The following AUH variants were observed in gnomAD, a reference collection of about 807,000 sequenced individuals.
The protein encoded by AUH is methylglutaconyl-CoA hydratase, mitochondrial.
Under a neutral mutation model 42.3 loss-of-function variants are expected in AUH, and 29 were observed. The observed-to-expected ratio is 0.69, with a 90% confidence interval of 0.51 to 0.93. The LOEUF (loss-of-function observed/expected upper bound fraction) is 0.93, where lower values mean the gene tolerates loss of function less well. Among genes scored for constraint, AUH ranks in the 40% least tolerant of loss-of-function variants. AUH has a pLI of 0.00. For synonymous variants in AUH, 174 were observed against 166.4 expected (o/e 1.05, Z -0.35); for missense variants, 452 against 438.1 (o/e 1.03, Z -0.28).
At chr9:91,230,346 C>T (rs966557524) in intron 6 of AUH, among the ~76,000 whole-genome samples, 6 of 152,122 alleles carry the variant, frequency 3.9e-5, no homozygotes, top group African/African-American at 9.7e-5. Flanking sequence ...TTGATCGCAG[C>T]GGCTCCTGAG....
At chr9:91,329,575 A>AT (rs946142997) in intron 3 of AUH, among the ~76,000 whole-genome samples, 10 of 152,022 alleles carry the variant, frequency 6.6e-5, no homozygotes, top group Non-Finnish European at 8.8e-5. Context: ...AATCTTGCTC[A>AT]TTTTTTTAAA....
At chr9:91,215,958 C>T (rs549206011) in intron 9 of AUH, 101 bp downstream of exon 9, 37 of 1,266,494 alleles carry the variant, frequency 2.9e-5, no homozygotes, top group South Asian at 2.1e-4. Context: ...TTGGAATGGG[C>T]GCAAGGGTAA....
rs185539673 is a variant in AUH at position 91,256,247 on chromosome 9, G to C, written c.656-35255C>G. Among the ~76,000 whole-genome samples, 13 of 152,236 alleles carry C rather than the reference G, an allele frequency of 8.5e-5. No individual in the cohort carries two copies. In the East Asian group the frequency reaches 2.5e-3, roughly 29 times the overall value. Reference sequence around the variant, plus strand: ...TGAAATCTGTCCTAAAATAACATTTGTTAATAAAACCATTAACAAGATTAT... The same window carrying C: ...TGAAATCTGTCCTAAAATAACATTTCTTAATAAAACCATTAACAAGATTAT... On this transcript the variant is annotated intron_variant, in intron 6 of 9. Coordinates refer to ENST00000375731, the MANE Select transcript of AUH (RefSeq NM_001698.3).
intron 4 of AUH, among the ~76,000 whole-genome samples, chr9:91,320,860 G>T (rs1829516468): frequency 6.6e-6 from 1 of 152,150 alleles, no homozygotes; most frequent in South Asian, 2.1e-4. Context: ...TAATTATGTT[G>T]TTCAAATCAC....
At chr9:91,233,482 A>C (rs1828005294) in intron 6 of AUH, among the ~76,000 whole-genome samples, 1 of 152,152 alleles carries the variant, frequency 6.6e-6, no homozygotes, top group Admixed American at 6.5e-5. Context: ...GCATCTTCTG[A>C]GAAACAGTGG....
At chr9:91,220,271 C>T (rs1587619697) in intron 7 of AUH, among the ~76,000 whole-genome samples, 1 of 152,318 alleles carries the variant, frequency 6.6e-6, no homozygotes, top group East Asian at 1.9e-4. Flanking sequence ...AAAACAACGC[C>T]TACACCACCA....
At chr9:91,299,954 T>TA (rs1827654985) in intron 4 of AUH, among the ~76,000 whole-genome samples, 2 of 151,996 alleles carry the variant, frequency 1.3e-5, no homozygotes, top group Non-Finnish European at 2.9e-5. Context: ...AGGAGTAGAG[T>TA]AAACCCATGC....
intron 6 of AUH, among the ~76,000 whole-genome samples, chr9:91,273,966 A>G (rs937564015): frequency 6.6e-6 from 1 of 152,230 alleles, no homozygotes; most frequent in Non-Finnish European, 1.5e-5. Context: ...AATTTAAGAA[A>G]GACAATCTGT....
At chr9:91,321,590 T>C (rs6479333) in intron 4 of AUH, among the ~76,000 whole-genome samples, 16,103 of 152,168 alleles carry the variant, frequency 0.11, 979 homozygotes, top group Middle Eastern at 0.19. Context: ...GTGAGATTTC[T>C]TGAATAAATA....
At chr9:91,273,666 T>C (rs748358374) in intron 6 of AUH, among the ~76,000 whole-genome samples, 1 of 152,254 alleles carries the variant, frequency 6.6e-6, no homozygotes, top group Non-Finnish European at 1.5e-5. Flanking sequence ...CAGATGTTTT[T>C]AAGGCATCAA....
intron 6 of AUH, among the ~76,000 whole-genome samples, chr9:91,288,553 AGT>A (rs975025229): frequency 1.4e-4 from 21 of 152,130 alleles, no homozygotes; most frequent in African/African-American, 4.8e-4. Flanking sequence ...TCAAATCAAT[AGT>A]GTTTCACTTT....
chr9:91,357,414 T>C (rs1460423125), intron 1 of AUH: 2 of 815,724 alleles, frequency 2.5e-6, no homozygotes, highest in Non-Finnish European at 3.0e-6. Context: ...CAAGCTTCAG[T>C]TTCCTCAGGA....
chr9:91,346,015 A>C (rs2132013148), intron 3 of AUH, among the ~76,000 whole-genome samples: 1 of 152,222 alleles, frequency 6.6e-6, no homozygotes, highest in Non-Finnish European at 1.5e-5. Context: ...GTGTATAAAA[A>C]AAATACTTCG....
chr9:91,219,495 A>G (rs1454383092), intron 7 of AUH, among the ~76,000 whole-genome samples: 32 of 152,230 alleles, frequency 2.1e-4, no homozygotes, highest in Admixed American at 2.0e-3. Flanking sequence ...GGAAGAATAA[A>G]TAAGTTTGTA....
In AUH at chr9:91,308,467, TTGA is replaced by T. The variant is rs554514461; in HGVS notation, c.506-10394_506-10392del. 2.0e-5 allele frequency among the ~76,000 whole-genome samples: 3 copies of T among 152,332 alleles called. No individual in the cohort carries two copies. The East Asian group carries it at 5.8e-4, about 29-fold the overall frequency. On this transcript the variant is annotated intron_variant, in intron 4 of 9. Coordinates refer to ENST00000375731, the MANE Select transcript of AUH (RefSeq NM_001698.3). ...TGTTTGTTTTCATTCTCCACCATTC[TTGA>T]TGAGAGGATAAAGAAAACTAAAACT... is the stretch of plus-strand genomic sequence containing the variant.
At chr9:91,267,443 C>T (rs1036598703) in intron 6 of AUH, among the ~76,000 whole-genome samples, 1 of 152,168 alleles carries the variant, frequency 6.6e-6, no homozygotes, top group Admixed American at 6.5e-5. Context: ...TCCCTTCTTA[C>T]GGTGTCTTGC....
rs775229436 is a variant in AUH, at chr9:91,313,711, C to CAAAAA, written c.505+11602_505+11606dup. Among the ~76,000 whole-genome samples the CAAAAA allele has an allele frequency of 6.5e-4, 45 of 68,774 alleles. 1 individual carries two copies. Among genetic ancestry groups the CAAAAA allele is most frequent in the East Asian group, 2.7e-3 (7 of 2,556 alleles). The allele number at this position is 68,774 out of a possible 152,430, so 45.1% of individuals were successfully genotyped here. On this transcript the variant is annotated intron_variant, in intron 4 of 9. Coordinates refer to ENST00000375731, the MANE Select transcript of AUH (RefSeq NM_001698.3). ...TGGGCGACAAAGCGAGACTCCGTCT[C>CAAAAA]AAAAAAAAAAAAAAAAAAAAGAAAA... is the stretch of plus-strand genomic sequence containing the variant.
At chr9:91,221,104 T>A in intron 6 of AUH, 112 bp from the exon 7 acceptor site, 2 of 1,201,300 alleles carry the variant, frequency 1.7e-6, no homozygotes. Flanking sequence ...AGTTTATATG[T>A]TAAAATTAGT....
chr9:91,283,109 C>G (rs1433838657), intron 6 of AUH, among the ~76,000 whole-genome samples: 1 of 152,256 alleles, frequency 6.6e-6, no homozygotes, highest in South Asian at 2.1e-4. Flanking sequence ...AAAAGCTTAT[C>G]CACCATGATC....
Sources: allele counts gnomAD v4.1 joint callset (sites outside exome capture counted in the v4.1 genomes callset), GRCh38; gene constraint gnomAD v4.1.1; transcripts MANE v1.5; gene names NCBI Gene and HGNC (gene_info 2026-07-23, HGNC 2026-07-21).